The following TMEM260 variants were observed in gnomAD, a reference collection of about 807,000 sequenced individuals.
TMEM260 encodes protein O-mannosyl-transferase TMEM260.
In TMEM260, 82 loss-of-function variants were observed where a neutral mutation model predicts 88.9. The ratio of observed to expected loss-of-function variants is 0.92; its 90% CI spans 0.77 to 1.11. The LOEUF (loss-of-function observed/expected upper bound fraction) is 1.11, where lower values mean the gene tolerates loss of function less well. Among genes scored for constraint, TMEM260 ranks in the 50% least tolerant of loss-of-function variants. The pLI is 0.00. For synonymous variants in TMEM260, 314 were observed against 309.3 expected (o/e 1.02, Z -0.16); for missense variants, 902 against 853.4 (o/e 1.06, Z -0.71).
chr14:56,653,755 A>ACAACAAAAAAAAAC (rs1890252631), downstream of TMEM260, among the ~76,000 whole-genome samples: 2 of 95,930 alleles, frequency 2.1e-5, no homozygotes, highest in Non-Finnish European at 5.4e-5. Flanking sequence ...AAAAAAAAAA[A>ACAACAAAAAAAAAC]CAGGACATCA....
chr14:56,646,177 T>A (rs967101083), intron 15 of TMEM260, among the ~76,000 whole-genome samples: 31 of 152,226 alleles, frequency 2.0e-4, no homozygotes, highest in Non-Finnish European at 1.5e-5. Context: ...TATTAACTAT[T>A]GAAACAATAT....
In TMEM260 at chr14:56,621,614, T is replaced by C; in HGVS notation, c.1310T>C (p.Leu437Ser). ...LTSMPHDAII[L>S]LRGDLPGNSL... The stretch of plus-strand genomic sequence containing the variant: ...TCTATGCCTCATGATGCAATTATCT[T>C]ACTCAGAGGAGATTTGCCAGGAAAT... The change falls in exon 11 of 16, where the codon TTA (leucine) becomes TCA (serine). Residue 437 changes from leucine to serine, a missense_variant. Transcript: ENST00000261556. 1 of 1,613,670 alleles carries C rather than the reference T, an allele frequency of 6.2e-7. No individual in the cohort carries two copies. The highest frequency in any genetic ancestry group is 8.5e-7 in the Non-Finnish European group (1 of 1,179,792).
At chr14:56,645,852 G>A (rs960282609) in intron 15 of TMEM260, among the ~76,000 whole-genome samples, 4 of 152,194 alleles carry the variant, frequency 2.6e-5, no homozygotes, top group Non-Finnish European at 5.9e-5. Context: ...GACAAAAAGG[G>A]TAAAGCAACT....
intron 15 of TMEM260, among the ~76,000 whole-genome samples, chr14:56,641,626 G>C (rs1241906527): frequency 6.6e-6 from 1 of 152,180 alleles, no homozygotes; most frequent in African/African-American, 2.4e-5. Flanking sequence ...AAAATAACCA[G>C]CTAATATCAT....
downstream of TMEM260, among the ~76,000 whole-genome samples, chr14:56,654,292 T>G (rs1405817394): frequency 6.6e-6 from 1 of 152,208 alleles, no homozygotes; most frequent in Non-Finnish European, 1.5e-5. Context: ...CTTATTAGCA[T>G]AAATTACATT....
chr14:56,625,438 C>T lies in TMEM260; in HGVS notation c.1455C>T (p.Asn485=). ...PKMAKHLPGV[N]FPGNRWNPVE... is the part of the protein sequence containing the mutation. Reference sequence around the variant, plus strand: ...TGGCAAAGCACTTGCCAGGTGTCAACTTTCCTGGGAACCGGTGGAATCCTG... The same window carrying T: ...TGGCAAAGCACTTGCCAGGTGTCAATTTTCCTGGGAACCGGTGGAATCCTG... Residue 485 remains asparagine, a synonymous_variant, in exon 12 of 16, where the codon AAC becomes AAT. Coordinates refer to ENST00000261556, the MANE Select transcript of TMEM260 (RefSeq NM_017799.4). The T allele has an allele frequency of 3.1e-6, 5 of 1,613,956 alleles. No homozygotes were observed. Among genetic ancestry groups the T allele is most frequent in the Non-Finnish European group, 4.2e-6 (5 of 1,179,924 alleles).
intron 3 of TMEM260, among the ~76,000 whole-genome samples, chr14:56,590,736 G>T (rs1291610589): frequency 2.6e-5 from 4 of 152,214 alleles, no homozygotes; most frequent in African/African-American, 7.2e-5. Flanking sequence ...TATGAGTCAA[G>T]TCTGATAACA....
At chr14:56,616,842 A>G (rs1286437080) in intron 8 of TMEM260, among the ~76,000 whole-genome samples, 1 of 152,088 alleles carries the variant, frequency 6.6e-6, no homozygotes, top group African/African-American at 2.4e-5. Flanking sequence ...GCACACCAAC[A>G]TTGAGAGTTA....
intron 15 of TMEM260, 75 bp from the exon 16 acceptor site, chr14:56,647,168 C>T: frequency 1.4e-6 from 2 of 1,478,642 alleles, no homozygotes; most frequent in Non-Finnish European, 1.8e-6. Context: ...ATTAATTCCT[C>T]TGTGTTTTTT....
At chr14:56,662,852 G>A in the TMEM260 span, among the ~76,000 whole-genome samples, 1 of 152,214 alleles carries the variant, frequency 6.6e-6, no homozygotes, top group African/African-American at 2.4e-5. Context: ...GCATTGGCCG[G>A]GCACCCTGGC....
chr14:56,592,044 T>G (rs1885898113), intron 3 of TMEM260, among the ~76,000 whole-genome samples: 1 of 152,224 alleles, frequency 6.6e-6, no homozygotes, highest in Non-Finnish European at 1.5e-5. Flanking sequence ...ATGTAGTGGT[T>G]TTGAATCAGG....
chr14:56,657,449 C>G, the TMEM260 span, among the ~76,000 whole-genome samples: 1 of 145,010 alleles, frequency 6.9e-6, no homozygotes, highest in African/African-American at 2.8e-5. Context: ...ATCCCATTCA[C>G]TTACGTTTAC....
intron 10 of TMEM260, among the ~76,000 whole-genome samples, chr14:56,621,224 AAAAAT>A (rs1196001446): frequency 1.3e-5 from 2 of 151,984 alleles, no homozygotes; most frequent in African/African-American, 4.9e-5. Context: ...CTTACTTTCT[AAAAAT>A]AAAATTGGAT....
At chr14:56,630,922 A>T (rs1888548484) in intron 12 of TMEM260, among the ~76,000 whole-genome samples, 1 of 152,074 alleles carries the variant, frequency 6.6e-6, no homozygotes, top group Admixed American at 6.6e-5. Context: ...TTTCCAAAGC[A>T]TTTGCAGTGC....
At chr14:56,627,193 G>A (rs1412518478) in intron 12 of TMEM260, among the ~76,000 whole-genome samples, 1 of 152,052 alleles carries the variant, frequency 6.6e-6, no homozygotes, top group African/African-American at 2.4e-5. Flanking sequence ...AAAGATCACT[G>A]CATAAATATG....
chr14:56,597,431 AC>A (rs1429466673), intron 3 of TMEM260, among the ~76,000 whole-genome samples: 1 of 152,166 alleles, frequency 6.6e-6, no homozygotes, highest in Non-Finnish European at 1.5e-5. Context: ...TTGCAAAGAA[AC>A]CCCGAAGTGG....
At chr14:56,584,505 A>G (rs1438546371) in intron 1 of TMEM260, among the ~76,000 whole-genome samples, 1 of 152,174 alleles carries the variant, frequency 6.6e-6, no homozygotes, top group Non-Finnish European at 1.5e-5. Context: ...ACACTTGGAA[A>G]TCATTTAAAG....
At chr14:56,630,649 T>G (rs940486956) in intron 12 of TMEM260, among the ~76,000 whole-genome samples, 1 of 152,220 alleles carries the variant, frequency 6.6e-6, no homozygotes, top group Admixed American at 6.5e-5. Context: ...TTTAAAGTCT[T>G]TGACAATTCT....
intron 15 of TMEM260, among the ~76,000 whole-genome samples, chr14:56,641,350 G>C (rs1327552414): frequency 6.6e-6 from 1 of 152,088 alleles, no homozygotes; most frequent in East Asian, 1.9e-4. Context: ...AAGAGGGTGG[G>C]GGCCAATATT....
Sources: gnomAD v4.1 joint callset for allele counts (sites outside exome capture counted in the v4.1 genomes callset) on GRCh38, gnomAD v4.1.1 for gene constraint, MANE v1.5 for transcripts, NCBI Gene and HGNC (gene_info 2026-07-23, HGNC 2026-07-21) for gene names.